Variants in PTPRN2 observed in about 807,000 individuals in gnomAD.
The protein encoded by PTPRN2 is receptor-type tyrosine-protein phosphatase N2.
PTPRN2 carries 74 observed loss-of-function variants against 118.8 expected under a neutral mutation model. The observed-to-expected ratio is 0.62, with a 90% confidence interval of 0.52 to 0.76. The LOEUF is 0.76. Among genes scored for constraint, PTPRN2 ranks in the 30% least tolerant of loss-of-function variants. The probability of loss-of-function intolerance (pLI) is 0.00; values close to 1 mark genes in which losing one functional copy is unlikely to be tolerated. For missense variants in PTPRN2, 1,481 were observed against 1,394.4 expected (o/e 1.06, Z -0.99); for synonymous variants, 641 against 608.0 (o/e 1.05, Z -0.80).
chr7:158,045,703 G>A (rs1808791003), intron 11 of PTPRN2, among the ~76,000 whole-genome samples: 1 of 152,222 alleles, frequency 6.6e-6, no homozygotes. Flanking sequence ...CAGAACCTGT[G>A]ATCCTGGCGT....
At chr7:158,128,487 A>G (rs1020191700) in intron 9 of PTPRN2, among the ~76,000 whole-genome samples, 10 of 152,214 alleles carry the variant, frequency 6.6e-5, no homozygotes, top group African/African-American at 2.4e-4. Flanking sequence ...CAAACCCACT[A>G]CAAGAAAATA....
intron 3 of PTPRN2, among the ~76,000 whole-genome samples, chr7:158,262,960 ACATT>A (rs1463405031): frequency 1.4e-5 from 2 of 139,344 alleles, no homozygotes; most frequent in South Asian, 2.2e-4. Context: ...ACACATACAC[ACATT>A]CACACACTGC....
intron 6 of PTPRN2, among the ~76,000 whole-genome samples, chr7:158,146,706 G>T (rs1369078304): frequency 1.4e-5 from 2 of 144,040 alleles, no homozygotes; most frequent in Non-Finnish European, 1.5e-5. Context: ...GGGCGACAGA[G>T]CGAGACTCTG....
chr7:158,323,949 G>A (rs912739538), intron 2 of PTPRN2, among the ~76,000 whole-genome samples: 3 of 148,522 alleles, frequency 2.0e-5, no homozygotes, highest in South Asian at 2.1e-4. Context: ...ACGCACCCAC[G>A]TGAACATTCC....
rs74726772 is a variant in PTPRN2, at chr7:157,974,416, T to C, written c.1724-75679A>G. ...GATTCCCTGTGGCACCTTGGGAGCA[T>C]GGGGCTGCCCTACTGTGGAGTTAGT... On this transcript the variant is annotated intron_variant, in intron 11 of 22. Coordinates refer to ENST00000389418, the MANE Select transcript of PTPRN2 (RefSeq NM_002847.5). This position sits in a 1 kb window ranked among gnomAD's most constrained non-coding sequence, Gnocchi z 4.0. Among the ~76,000 whole-genome samples the C allele has an allele frequency of 4.0e-3, 615 of 152,216 alleles. 4 individuals carry two copies. The highest frequency in any genetic ancestry group is 0.014 in the African/African-American group (589 of 41,534).
intron 10 of PTPRN2, among the ~76,000 whole-genome samples, chr7:158,105,447 T>A (rs1815607354): frequency 6.7e-6 from 1 of 149,884 alleles, no homozygotes. Flanking sequence ...CTGAGCTCCA[T>A]CAAACTCCAC....
intron 12 of PTPRN2, among the ~76,000 whole-genome samples, chr7:157,742,676 T>C (rs28716556): frequency 0.3 from 45,377 of 152,010 alleles, 6,937 homozygotes; most frequent in Non-Finnish European, 0.34. Context: ...ACCAACTCCA[T>C]CTCAAGATGT....
chr7:158,316,804 C>T lies in PTPRN2; in HGVS notation c.277+15G>A. The T allele has an allele frequency of 6.3e-7, 1 of 1,580,044 alleles. No individual in the cohort carries two copies. The highest frequency in any genetic ancestry group is 2.2e-5 in the East Asian group (1 of 44,602). On this transcript the variant is annotated intron_variant, in intron 3 of 22. Coordinates refer to ENST00000389418, the MANE Select transcript of PTPRN2 (RefSeq NM_002847.5). The stretch of plus-strand genomic sequence containing the variant: ...AGTGCGGCAGCCGCCGAGCCTCGGC[C>T]CACGCCCGCCCTACCTGTGCCGGAA...
At chr7:158,242,745 C>T (rs1795971364) in intron 3 of PTPRN2, among the ~76,000 whole-genome samples, 1 of 152,176 alleles carries the variant, frequency 6.6e-6, no homozygotes, top group African/African-American at 2.4e-5. Flanking sequence ...CTTCATGATT[C>T]AGTCTTGGTA....
At chr7:158,528,075 C>A (rs1200023902) in intron 1 of PTPRN2, among the ~76,000 whole-genome samples, 1 of 152,200 alleles carries the variant, frequency 6.6e-6, no homozygotes, top group Non-Finnish European at 1.5e-5. Context: ...CCTGGGTGTT[C>A]CTGTGTTGTG....
intron 12 of PTPRN2, among the ~76,000 whole-genome samples, chr7:157,725,021 T>A (rs1799447668): frequency 6.6e-6 from 1 of 152,230 alleles, no homozygotes; most frequent in South Asian, 2.1e-4. Flanking sequence ...GAAATAAAAT[T>A]CTCGTGTCCT....
In PTPRN2 at chr7:157,876,105, C is replaced by T. The variant is rs184323113; in HGVS notation, c.1788+22568G>A. Among the ~76,000 whole-genome samples, 163 of 152,344 alleles carry T rather than the reference C, an allele frequency of 1.1e-3. 1 individual carries two copies. The South Asian group carries it at 0.012, about 11-fold the overall frequency. ...GCTCCTTGGACAGTGTCAGAATTCA[C>T]GACTCCTTGCAAACAATGCAGTCCA... On this transcript the variant is annotated intron_variant, in intron 12 of 22. Coordinates refer to ENST00000389418, the MANE Select transcript of PTPRN2 (RefSeq NM_002847.5).
At chr7:157,863,769 C>T (rs962822198) in intron 12 of PTPRN2, 2 of 152,166 alleles carry the variant, frequency 1.3e-5, no homozygotes, top group African/African-American at 4.8e-5. Context: ...GTATCCTTAT[C>T]AGAAAGGGAT....
chr7:158,008,480 C>T (rs891763933), intron 11 of PTPRN2, among the ~76,000 whole-genome samples: 2 of 152,204 alleles, frequency 1.3e-5, no homozygotes, highest in African/African-American at 2.4e-5. Context: ...CGCGTGGTGG[C>T]GGCTTACACG....
chr7:158,332,740 G>C (rs543102482), intron 2 of PTPRN2, among the ~76,000 whole-genome samples: 2,518 of 147,334 alleles, frequency 0.017, 1 homozygote, highest in African/African-American at 0.063. Context: ...CTCACCATAA[G>C]AGCTGAGGCC....
intron 2 of PTPRN2, among the ~76,000 whole-genome samples, chr7:158,375,609 G>A (rs752815146): frequency 6.6e-6 from 1 of 152,246 alleles, no homozygotes; most frequent in East Asian, 1.9e-4. Flanking sequence ...GGAAACCTGT[G>A]GCCCTCAATG....
chr7:157,893,354 C>T lies in PTPRN2; in HGVS notation c.1788+5319G>A, dbSNP rs1796919308. ...GTGGTGCTGTGCAGGTGAGCTCCTG[C>T]CTCTGCCCTCAGCCCCCACGGTCCC... On this transcript the variant is annotated intron_variant, in intron 12 of 22. Coordinates refer to ENST00000389418, the MANE Select transcript of PTPRN2 (RefSeq NM_002847.5). The surrounding 1 kb of genome is among the most constrained non-coding windows in gnomAD (Gnocchi z 4.0). Among the ~76,000 whole-genome samples the T allele has an allele frequency of 6.6e-6, 1 of 152,204 alleles. No individual in the cohort carries two copies. Among genetic ancestry groups the T allele is most frequent in the South Asian group, 2.1e-4 (1 of 4,830 alleles).
At chr7:157,823,411 C>T (rs1032038788) in intron 12 of PTPRN2, among the ~76,000 whole-genome samples, 5 of 152,224 alleles carry the variant, frequency 3.3e-5, no homozygotes, top group Admixed American at 6.5e-5. Context: ...TGACAATGAG[C>T]GTCCGTACCT....
At chr7:157,975,762 T>A (rs1226740450) in intron 11 of PTPRN2, among the ~76,000 whole-genome samples, 2 of 152,122 alleles carry the variant, frequency 1.3e-5, no homozygotes, top group Non-Finnish European at 2.9e-5. Flanking sequence ...TACCTTTTTT[T>A]TTTTCCATTG....
Sources: allele counts gnomAD v4.1 joint callset (sites outside exome capture counted in the v4.1 genomes callset), GRCh38; gene constraint gnomAD v4.1.1; non-coding constraint Gnocchi (gnomAD v3.1); transcripts MANE v1.5; gene names NCBI Gene and HGNC (gene_info 2026-07-23, HGNC 2026-07-21).